The following TDRD12 variants were observed in gnomAD, a reference collection of about 807,000 sequenced individuals.
The protein encoded by TDRD12 is putative ATP-dependent RNA helicase TDRD12.
In TDRD12, 158 loss-of-function variants were observed where a neutral mutation model predicts 133.5. The observed-to-expected ratio is 1.18, with a 90% CI of 1.04 to 1.35. The LOEUF (loss-of-function observed/expected upper bound fraction) is 1.35, where lower values mean the gene tolerates loss of function less well. Among genes scored for constraint, TDRD12 ranks in the 40% most tolerant of loss-of-function variants. The pLI is 0.00. For synonymous variants in TDRD12, 460 were observed against 477.9 expected (o/e 0.96, Z 0.49); for missense variants, 1,443 against 1,321.3 (o/e 1.09, Z -1.43).
At chr19:32,766,456 ATAATG>A (rs1464774936) in intron 8 of TDRD12, among the ~76,000 whole-genome samples, 1 of 152,172 alleles carries the variant, frequency 6.6e-6, no homozygotes, top group Non-Finnish European at 1.5e-5. Context: ...TCTTTCTGAT[ATAATG>A]TAATGTATTG....
exon 10 of TDRD12, chr19:32,827,384 T>TTTTTA: frequency 1.7e-6 from 1 of 581,994 alleles, no homozygotes; most frequent in Non-Finnish European, 2.4e-6. Flanking sequence ...TTTTTTTTTT[T>TTTTTA]TTTTTTTTTT....
intron 7 of TDRD12, among the ~76,000 whole-genome samples, chr19:32,756,567 T>A (rs913991353): frequency 1.3e-5 from 2 of 152,208 alleles, no homozygotes; most frequent in East Asian, 3.9e-4. Flanking sequence ...TTTTTGTATT[T>A]TTAGTAGAGA....
downstream of TDRD12, among the ~76,000 whole-genome samples, chr19:32,822,786 G>A (rs1201518305): frequency 6.6e-6 from 1 of 151,572 alleles, no homozygotes; most frequent in Admixed American, 6.6e-5. Flanking sequence ...CAAGCCCCTT[G>A]TGGAAGGAGA....
chr19:32,729,342 C>T (rs1002677258), intron 1 of TDRD12, among the ~76,000 whole-genome samples: 8 of 150,712 alleles, frequency 5.3e-5, no homozygotes, highest in South Asian at 2.1e-4. Flanking sequence ...CTCAGCCTCC[C>T]GAGTAGCTGG....
intron 2 of TDRD12, among the ~76,000 whole-genome samples, chr19:32,734,883 T>C (rs887358754): frequency 2.6e-5 from 4 of 152,218 alleles, no homozygotes; most frequent in Non-Finnish European, 4.4e-5. Flanking sequence ...CTATCTGTTA[T>C]AGTGATCTGT....
chr19:32,806,749 C>G (rs527636449), intron 21 of TDRD12, among the ~76,000 whole-genome samples: 1 of 152,122 alleles, frequency 6.6e-6, no homozygotes, highest in African/African-American at 2.4e-5. Flanking sequence ...CCTCTGCGTC[C>G]TGGGTTCAAG....
chr19:32,755,903 A>G (rs1969977648), intron 6 of TDRD12, 89 bp from the exon 7 acceptor site: 1 of 965,454 alleles, frequency 1.0e-6, no homozygotes, highest in Non-Finnish European at 1.4e-6. Context: ...CTCTGAAGGT[A>G]GAACTTTGGG....
chr19:32,732,002 CT>C lies in TDRD12; in HGVS notation c.183+121del, dbSNP rs1382764178. 38 of 1,039,378 alleles carry C rather than the reference CT, an allele frequency of 3.7e-5. 1 individual carries two copies. In the South Asian group the frequency reaches 4.0e-4, roughly 11 times the overall value. The allele number at this position is 1,039,378 out of a possible 1,614,324, so 64.4% of individuals were successfully genotyped here. A position where few individuals can be genotyped will look rare whatever the true frequency, so the allele number is the denominator to read the frequency against. Reference sequence around the variant, plus strand: ...TATTTTAGTTTCTTACACTCAGTGCCTTGTGTTAGGTTTTTTTTTGAGATGG... The same window carrying C: ...TATTTTAGTTTCTTACACTCAGTGCCTGTGTTAGGTTTTTTTTTGAGATGG... On this transcript the variant is annotated intron_variant, in intron 2 of 27. Transcript: ENST00000444215.
intron 11 of TDRD12, among the ~76,000 whole-genome samples, chr19:32,785,871 G>C (rs1970894006): frequency 6.6e-6 from 1 of 152,074 alleles, no homozygotes; most frequent in Non-Finnish European, 1.5e-5. Flanking sequence ...GATGGGTCTT[G>C]ACTCTTTATC....
chr19:32,798,459 G>A, intron 16 of TDRD12, 24 bp downstream of exon 16: 1 of 1,512,766 alleles, frequency 6.6e-7, no homozygotes, highest in Non-Finnish European at 8.9e-7. Flanking sequence ...AAGGTCCTCA[G>A]CACTCAGAAG....
chr19:32,769,266 A>G (rs1970379021), intron 8 of TDRD12, among the ~76,000 whole-genome samples: 1 of 152,180 alleles, frequency 6.6e-6, no homozygotes, highest in African/African-American at 2.4e-5. Context: ...TCTAGGATCC[A>G]TCTCAAGTTA....
In TDRD12 at chr19:32,727,399, T is replaced by C. The variant is rs559972097; in HGVS notation, c.25-4326T>C. Among the ~76,000 whole-genome samples the C allele has an allele frequency of 2.0e-5, 3 of 152,314 alleles. No homozygotes were observed. In the East Asian group the frequency reaches 5.8e-4, roughly 29 times the overall value. The stretch of plus-strand genomic sequence containing the variant: ...TGAGATATAAGCCTTGCAAATATTT[T>C]CCCCCATTCCATAAGTTGACTTTCT... On this transcript the variant is annotated intron_variant, in intron 1 of 27. Transcript: ENST00000444215.
In TDRD12 at chr19:32,827,089, G is replaced by C. The variant is rs73926145; in HGVS notation, c.1050-75G>C. On this transcript the variant is annotated intron_variant, in intron 9 of 9. Transcript: ENST00000637289. ...AACCCAAGGCATTTTTTTCTGCATT[G>C]ACCCAAATAATGGGGGGAAATAAAG... The C allele has an allele frequency of 2.0e-3, 1,602 of 815,000 alleles. 17 individuals carry two copies. In the African/African-American group the frequency reaches 0.026, roughly 13 times the overall value. 50.5% of individuals were successfully genotyped at this position (815,000 alleles called of 1,614,324 possible).
At chr19:32,725,794 A>T (rs1432367082) in intron 1 of TDRD12, among the ~76,000 whole-genome samples, 1 of 152,122 alleles carries the variant, frequency 6.6e-6, no homozygotes, top group Non-Finnish European at 1.5e-5. Flanking sequence ...GAATCTATAA[A>T]TTACTTTGGA....
At position 32,723,667 on chromosome 19, in the gene TDRD12, C is replaced by CAAA. The variant is rs11417872; in HGVS notation, c.24+3585_24+3587dup. ...TTTTGTAATTGCTTGCTGAGTCTAC[C>CAAA]AAAAAAAAAAAAAAAACCATGCTGG... On this transcript the variant is annotated intron_variant, in intron 1 of 27. Transcript: ENST00000444215. 5.1e-5 allele frequency among the ~76,000 whole-genome samples: 5 copies of CAAA among 98,504 alleles called. 1 individual carries two copies. The highest frequency in any genetic ancestry group is 1.4e-4 in the African/African-American group (4 of 27,920). 64.6% of individuals were successfully genotyped at this position (98,504 alleles called of 152,430 possible).
At chr19:32,790,747 G>T (rs1199679601) in intron 12 of TDRD12, 156 bp downstream of exon 12, 13 of 1,526,354 alleles carry the variant, frequency 8.5e-6, no homozygotes, top group Non-Finnish European at 1.1e-5. Context: ...CGATCGAATG[G>T]ATTGTTGCTT....
At chr19:32,806,356 T>A (rs1037569429) in intron 21 of TDRD12, among the ~76,000 whole-genome samples, 1 of 151,096 alleles carries the variant, frequency 6.6e-6, no homozygotes, top group African/African-American at 2.4e-5. Flanking sequence ...TTTTTTTTTT[T>A]AAGACAGTCT....
At chr19:32,777,074 G>T in intron 10 of TDRD12, 75 bp from the exon 11 acceptor site, 1 of 927,794 alleles carries the variant, frequency 1.1e-6, no homozygotes. Context: ...TTTTATTTTT[G>T]TCGAGATGGG....
intron 6 of TDRD12, among the ~76,000 whole-genome samples, chr19:32,750,560 C>T (rs1052963792): frequency 6.6e-5 from 10 of 152,202 alleles, no homozygotes; most frequent in Non-Finnish European, 1.0e-4. Flanking sequence ...GTTTTTAAAA[C>T]CAGAAAAGTA....
Sources: allele counts gnomAD v4.1 joint callset (sites outside exome capture counted in the v4.1 genomes callset), GRCh38; gene constraint gnomAD v4.1.1; transcripts MANE v1.5; gene names NCBI Gene and HGNC (gene_info 2026-07-23, HGNC 2026-07-21).